The following PPA2 variants were observed in gnomAD, a reference collection of about 807,000 sequenced individuals.
PPA2 encodes inorganic pyrophosphatase 2.
In PPA2, 48 loss-of-function variants were observed where a neutral mutation model predicts 49.5. That is an observed-to-expected ratio of 0.97 (90% CI 0.77 to 1.23). PPA2 has a LOEUF of 1.23. PPA2 is among the 50% of genes most tolerant of loss of function. The probability of loss-of-function intolerance (pLI) is 0.00; values close to 1 mark genes in which losing one functional copy is unlikely to be tolerated. For missense variants in PPA2, 429 were observed against 410.1 expected (o/e 1.05, Z -0.40); for synonymous variants, 131 against 139.9 (o/e 0.94, Z 0.45).
At chr4:105,472,840 T>A (rs542242846) in intron 1 of PPA2, among the ~76,000 whole-genome samples, 16 of 152,304 alleles carry the variant, frequency 1.1e-4, no homozygotes, top group African/African-American at 3.6e-4. Context: ...GTATTAACAA[T>A]AGTAATTTAT....
At chr4:105,426,114 C>A (rs1362037202) in intron 6 of PPA2, among the ~76,000 whole-genome samples, 1 of 151,868 alleles carries the variant, frequency 6.6e-6, no homozygotes, top group Non-Finnish European at 1.5e-5. Context: ...TCAAAACTCA[C>A]CATATACTTA....
At chr4:105,405,186 G>T in intron 7 of PPA2, 1 of 686,320 alleles carries the variant, frequency 1.5e-6, no homozygotes, top group Non-Finnish European at 1.8e-6. Flanking sequence ...ATTTTAATTT[G>T]TATAATGCTC....
chr4:105,399,353 G>A (rs1250986383), intron 7 of PPA2, 189 bp from the exon 8 acceptor site: 1 of 497,050 alleles, frequency 2.0e-6, no homozygotes, highest in Non-Finnish European at 3.5e-6. Flanking sequence ...GTTTTCATAT[G>A]TATAATACTA....
At chr4:105,444,311 A>C (rs1327953339) in intron 5 of PPA2, among the ~76,000 whole-genome samples, 1 of 152,188 alleles carries the variant, frequency 6.6e-6, no homozygotes, top group Non-Finnish European at 1.5e-5. Flanking sequence ...CAGATCACAC[A>C]GGGTTGAGTA....
At chr4:105,429,234 T>C (rs72950550) in intron 6 of PPA2, among the ~76,000 whole-genome samples, 5,029 of 152,280 alleles carry the variant, frequency 0.033, 276 homozygotes, top group African/African-American at 0.11. Flanking sequence ...CATTATTTTA[T>C]TACCAAGAAA....
intron 7 of PPA2, among the ~76,000 whole-genome samples, chr4:105,403,564 A>G (rs1722324120): frequency 6.6e-6 from 1 of 152,172 alleles, no homozygotes; most frequent in Admixed American, 6.5e-5. Flanking sequence ...TCTCTCTAAA[A>G]TTCCAGTTGA....
At chr4:105,408,599 C>G (rs943631822) in intron 7 of PPA2, among the ~76,000 whole-genome samples, 3 of 152,280 alleles carry the variant, frequency 2.0e-5, no homozygotes, top group African/African-American at 4.8e-5. Context: ...TGGTGACAAA[C>G]TGTGGTACCA....
At chr4:105,456,093 C>A (rs778411199) in intron 2 of PPA2, 67 of 377,010 alleles carry the variant, frequency 1.8e-4, no homozygotes, top group African/African-American at 1.4e-3. Context: ...CACACCCTGA[C>A]AACTGTCAAG....
At chr4:105,447,073 G>T (rs1722419228) in intron 4 of PPA2, among the ~76,000 whole-genome samples, 1 of 152,052 alleles carries the variant, frequency 6.6e-6, no homozygotes, top group African/African-American at 2.4e-5. Flanking sequence ...CTGATGATAT[G>T]ATCTTATATA....
intron 10 of PPA2, 101 bp from the exon 11 acceptor site, chr4:105,370,974 A>G: frequency 8.8e-7 from 1 of 1,130,472 alleles, no homozygotes; most frequent in Non-Finnish European, 1.2e-6. Flanking sequence ...GAAAGTTTAC[A>G]CACAATGGAT....
chr4:105,372,856 T>C (rs1353018540), intron 10 of PPA2, among the ~76,000 whole-genome samples: 2 of 152,246 alleles, frequency 1.3e-5, no homozygotes, highest in Admixed American at 6.5e-5. Context: ...AGAATCCTAA[T>C]AAATTCCCCC....
rs558165830 is a variant in PPA2, at chr4:105,389,617, C to A, written c.870-2981G>T. ...TCAGTAAAACCAAAAATGCTGTGTA[C>A]AACAAGCCCAAATTACATATAAAAA... is the stretch of plus-strand genomic sequence containing the variant. On this transcript the variant is annotated intron_variant, in intron 9 of 11. Coordinates refer to ENST00000341695, the MANE Select transcript of PPA2 (RefSeq NM_176869.3). Among the ~76,000 whole-genome samples the A allele has an allele frequency of 3.3e-5, 5 of 151,826 alleles. No individual in the cohort carries two copies. The East Asian group carries it at 9.7e-4, about 29-fold the overall frequency.
At chr4:105,471,028 A>G (rs990612917) in intron 1 of PPA2, among the ~76,000 whole-genome samples, 2 of 152,246 alleles carry the variant, frequency 1.3e-5, no homozygotes, top group African/African-American at 4.8e-5. Flanking sequence ...GAGAAGTTAC[A>G]TCCGAATTTT....
intron 10 of PPA2, among the ~76,000 whole-genome samples, chr4:105,378,500 A>T (rs1438943613): frequency 6.6e-6 from 1 of 152,108 alleles, no homozygotes; most frequent in East Asian, 1.9e-4. Flanking sequence ...TCCCTTTATC[A>T]GATATATAAT....
At chr4:105,397,609 T>C (rs1047656349) in intron 8 of PPA2, among the ~76,000 whole-genome samples, 4 of 152,242 alleles carry the variant, frequency 2.6e-5, no homozygotes, top group Admixed American at 2.6e-4. Flanking sequence ...TGATCCGCAG[T>C]GTTGGAAGTG....
At chr4:105,473,040 C>T (rs1483582885) in intron 1 of PPA2, among the ~76,000 whole-genome samples, 1 of 152,128 alleles carries the variant, frequency 6.6e-6, no homozygotes, top group African/African-American at 2.4e-5. Flanking sequence ...AAAAGGGGAG[C>T]GATAATGCAA....
intron 6 of PPA2, among the ~76,000 whole-genome samples, chr4:105,426,406 G>T (rs1315503887): frequency 6.6e-6 from 1 of 152,222 alleles, no homozygotes; most frequent in African/African-American, 2.4e-5. Context: ...AGCGCCAGGG[G>T]TCAGGGGATT....
rs555017346 is a variant in PPA2 at position 105,455,315 on chromosome 4, C to T, written c.222+1366G>A. 7.2e-5 allele frequency among the ~76,000 whole-genome samples: 11 copies of T among 152,300 alleles called. No individual in the cohort carries two copies. In the South Asian group the frequency reaches 1.4e-3, roughly 20 times the overall value. On this transcript the variant is annotated intron_variant, in intron 2 of 11. Coordinates refer to ENST00000341695, the MANE Select transcript of PPA2 (RefSeq NM_176869.3). ...CAAAACACAGGAACACATATACACACGCACTTTCACACACTCGCATGGACA... is the reference window on the plus strand; with the variant it reads ...CAAAACACAGGAACACATATACACATGCACTTTCACACACTCGCATGGACA...
intron 1 of PPA2, among the ~76,000 whole-genome samples, chr4:105,468,250 G>A (rs1261350737): frequency 6.6e-6 from 1 of 152,134 alleles, no homozygotes; most frequent in Non-Finnish European, 1.5e-5. Context: ...GCCAACACCT[G>A]CCCTAGAGAG....
Sources: gnomAD v4.1 joint callset for allele counts (sites outside exome capture counted in the v4.1 genomes callset) on GRCh38, gnomAD v4.1.1 for gene constraint, MANE v1.5 for transcripts, NCBI Gene and HGNC (gene_info 2026-07-23, HGNC 2026-07-21) for gene names.